Variants in PFKP observed in about 807,000 individuals in gnomAD.
The protein encoded by PFKP is ATP-dependent 6-phosphofructokinase, platelet type.
In PFKP, 101 loss-of-function variants were observed where a neutral mutation model predicts 94.3. The observed-to-expected ratio is 1.07, with a 90% CI of 0.91 to 1.26. The LOEUF is 1.26. Ranked by LOEUF, PFKP falls within the 50% of genes most tolerant of loss-of-function variation. PFKP has a pLI of 0.00. For missense variants in PFKP, 1,145 were observed against 1,103.3 expected, an observed-to-expected ratio of 1.04 and a Z score of -0.53; for synonymous variants, 573 against 432.6, an observed-to-expected ratio of 1.32 and a Z score of -4.03.
chr10:3,075,202 A>C (rs747399063), intron 1 of PFKP, among the ~76,000 whole-genome samples: 5 of 152,272 alleles, frequency 3.3e-5, no homozygotes, highest in African/African-American at 4.8e-5. Flanking sequence ...CATTCCCATA[A>C]ACCCACAACC....
At chr10:3,078,007 C>T (rs1013686658) in intron 1 of PFKP, among the ~76,000 whole-genome samples, 17 of 152,184 alleles carry the variant, frequency 1.1e-4, no homozygotes, top group African/African-American at 4.1e-4. Flanking sequence ...TTATTTTCTC[C>T]TGGAAATCCT....
intron 19 of PFKP, 95 bp downstream of exon 19, chr10:3,133,409 T>TAAGTA: frequency 1.4e-6 from 1 of 699,216 alleles, no homozygotes; most frequent in Non-Finnish European, 2.4e-6. Flanking sequence ...GAAAAATGTA[T>TAAGTA]AAGTAAATTC....
intron 8 of PFKP, 28 bp from the exon 9 acceptor site, chr10:3,108,673 C>A: frequency 1.3e-6 from 2 of 1,573,988 alleles, no homozygotes; most frequent in Non-Finnish European, 1.7e-6. Context: ...ATCACAGTTC[C>A]GCATCCTAAC....
chr10:3,136,148 C>T (rs992994402), intron 21 of PFKP, among the ~76,000 whole-genome samples: 18 of 152,142 alleles, frequency 1.2e-4, no homozygotes, highest in Admixed American at 6.5e-4. Context: ...CCTGTAGTCC[C>T]AGCTACTCAG....
chr10:3,132,574 G>A (rs954560684), intron 18 of PFKP, 133 bp downstream of exon 18: 5 of 646,032 alleles, frequency 7.7e-6, no homozygotes, highest in South Asian at 1.9e-5. Flanking sequence ...CTGAGCAGGT[G>A]CAGAAGACAG....
At position 3,134,630 on chromosome 10, in the gene PFKP, C is replaced by T. The variant is rs1475075794; in HGVS notation, c.2122+48C>T. The stretch of plus-strand genomic sequence containing the variant: ...CCACAGCCTCGTGATGCAGGCCGTC[C>T]TGCCTTGGTGAAAATGCTGTCCTAT... On this transcript the variant is annotated intron_variant, in intron 20 of 21. Transcript: ENST00000381125. 4 of 1,231,198 alleles carry T rather than the reference C, an allele frequency of 3.2e-6. No individual in the cohort carries two copies. In the Admixed American group the frequency reaches 6.8e-5, roughly 21 times the overall value. 76.3% of individuals were successfully genotyped at this position (1,231,198 alleles called of 1,614,324 possible). A position where few individuals can be genotyped will look rare whatever the true frequency, so the allele number is the denominator to read the frequency against.
intron 1 of PFKP, chr10:3,069,226 C>T (rs1270427755): frequency 2.1e-6 from 3 of 1,407,544 alleles, no homozygotes; most frequent in Non-Finnish European, 2.8e-6. Context: ...AGTGCTCTGG[C>T]GTTAGCATTC....
In PFKP at chr10:3,116,832, T is replaced by C. The variant is rs930244344; in HGVS notation, c.1428T>C (p.Ile476=). 2 of 1,611,176 alleles carry C rather than the reference T, an allele frequency of 1.2e-6. No homozygotes were observed. The highest frequency in any genetic ancestry group is 2.7e-5 in the African/African-American group (2 of 74,986). ...GCTGGACCGGCCAAGGAGGCTCCAT[T>C]CTTGGGACAAAACGGTAACTTCCAA... ...VGGWTGQGGS[I]LGTKRVLPGK... The change falls in exon 14 of 22, where the codon ATT becomes ATC. Residue 476 remains isoleucine (I), a synonymous_variant. Coordinates refer to ENST00000381125, the MANE Select transcript of PFKP (RefSeq NM_002627.5).
intron 1 of PFKP, among the ~76,000 whole-genome samples, chr10:3,080,918 C>G (rs1436782642): frequency 1.3e-5 from 2 of 151,924 alleles, no homozygotes; most frequent in Admixed American, 6.6e-5. Context: ...TTGTGCTGTT[C>G]GGCAAGAGAG....
chr10:3,131,737 G>A (rs1056578245), intron 17 of PFKP, among the ~76,000 whole-genome samples: 41 of 152,170 alleles, frequency 2.7e-4, no homozygotes, highest in African/African-American at 9.9e-4. Context: ...GGGACTACAG[G>A]CATGAGCCAC....
chr10:3,109,400 AC>A lies in PFKP; in HGVS notation c.1013del (p.Pro338ArgfsTer10). ...VEAVIALLEA[T>X]PDTPACVVSL... ...GGCAGTCATCGCCTTGCTAGAGGCCACCCCGGACACCCCAGCTTGCGTCGTG... is the reference window on the plus strand; with the variant it reads ...GGCAGTCATCGCCTTGCTAGAGGCCACCCGGACACCCCAGCTTGCGTCGTG... On this transcript the variant is annotated frameshift_variant, in exon 10 of 22. Transcript: ENST00000381125. LOFTEE classifies it high-confidence loss of function. 3.7e-6 allele frequency: 6 copies of A among 1,610,296 alleles called. No individual in the cohort carries two copies. The highest frequency in any genetic ancestry group is 4.2e-6 in the Non-Finnish European group (5 of 1,179,972).
In PFKP at chr10:3,136,731, CTGTGGAGTG is replaced by C. The variant is rs2131769029; in HGVS notation, c.*156_*164del. On this transcript the variant is annotated 3_prime_UTR_variant, in exon 22 of 22. Coordinates refer to ENST00000381125, the MANE Select transcript of PFKP (RefSeq NM_002627.5). Reference sequence around the variant, plus strand: ...CCCCACCTGCTCCAGTGCGTGCTGTCTGTGGAGTGTGTCTCATGCTTTCAGATGTGCATA... The same window carrying C: ...CCCCACCTGCTCCAGTGCGTGCTGTCTGTCTCATGCTTTCAGATGTGCATA... 1 of 679,584 alleles carries C rather than the reference CTGTGGAGTG, an allele frequency of 1.5e-6. No homozygotes were observed. Among genetic ancestry groups the C allele is most frequent in the South Asian group, 1.8e-5 (1 of 54,576 alleles). 42.1% of individuals were successfully genotyped at this position (679,584 alleles called of 1,614,324 possible).
Position 3,136,629 on chromosome 10 carries a change from G to C in PFKP, c.*50G>C, listed in dbSNP as rs199704637. ...CAGCCACCGTGGACTGTCTGTTTTT[G>C]TAACACTTAAGTTATTTTATCAGCA... On this transcript the variant is annotated 3_prime_UTR_variant, in exon 22 of 22. Coordinates refer to ENST00000381125, the MANE Select transcript of PFKP (RefSeq NM_002627.5). 2 of 1,590,448 alleles carry C rather than the reference G, an allele frequency of 1.3e-6. No homozygotes were observed. The highest frequency in any genetic ancestry group is 1.7e-6 in the Non-Finnish European group (2 of 1,163,498).
At chr10:3,133,057 C>T in intron 18 of PFKP, 146 bp from the exon 19 acceptor site, 2 of 669,748 alleles carry the variant, frequency 3.0e-6, no homozygotes, top group Non-Finnish European at 5.4e-6. Flanking sequence ...GAAAGCAAAA[C>T]CGTGAACTGG....
At chr10:3,093,575 TG>T (rs1834225661) in intron 2 of PFKP, among the ~76,000 whole-genome samples, 1 of 151,814 alleles carries the variant, frequency 6.6e-6, no homozygotes, top group African/African-American at 2.4e-5. Context: ...TGCCTATCGT[TG>T]GAACATTGTC....
chr10:3,104,500 G>A (rs897145997), intron 5 of PFKP, among the ~76,000 whole-genome samples: 2 of 152,240 alleles, frequency 1.3e-5, no homozygotes, highest in Non-Finnish European at 2.9e-5. Context: ...GAGACTGGGA[G>A]AGTGCCCGAA....
At chr10:3,126,064 C>T (rs964201508) in intron 16 of PFKP, among the ~76,000 whole-genome samples, 4 of 152,224 alleles carry the variant, frequency 2.6e-5, no homozygotes, top group South Asian at 4.1e-4. Flanking sequence ...TCTTGACGTC[C>T]AAGCCAGCTC....
rs1249100394 is a variant in PFKP at position 3,107,213 on chromosome 10, G to A, written c.775-1G>A. The stretch of plus-strand genomic sequence containing the variant: ...AGAGCTTTAATTTTCTGTCTCCACA[G>A]AACCGTGCCCGGAAAAAAAGGCTGA... On this transcript the variant is annotated splice_acceptor_variant, in intron 7 of 21. Transcript: ENST00000381125. LOFTEE classifies it high-confidence loss of function. 1.9e-6 allele frequency: 3 copies of A among 1,596,266 alleles called. No individual in the cohort carries two copies. The highest frequency in any genetic ancestry group is 1.7e-6 in the Non-Finnish European group (2 of 1,164,688).
intron 17 of PFKP, among the ~76,000 whole-genome samples, 161 bp downstream of exon 17, chr10:3,130,144 C>G (rs988504566): frequency 6.6e-6 from 1 of 152,218 alleles, no homozygotes; most frequent in Non-Finnish European, 1.5e-5. Flanking sequence ...CCAGGTGCCC[C>G]TACTGCGTGT....
Sources: gnomAD v4.1 joint callset for allele counts (sites outside exome capture counted in the v4.1 genomes callset) on GRCh38, gnomAD v4.1.1 for gene constraint, MANE v1.5 for transcripts, NCBI Gene and HGNC (gene_info 2026-07-23, HGNC 2026-07-21) for gene names.